Variants in SRCAP observed in about 807,000 individuals in gnomAD.
SRCAP encodes chromatin remodeling protein SRCAP.
SRCAP carries 46 observed loss-of-function variants against 263.1 expected under a neutral mutation model. The observed-to-expected ratio is 0.17, with a 90% CI of 0.14 to 0.22. The LOEUF is 0.22. SRCAP is among the 10% of genes least tolerant of loss of function. The pLI is 1.00. For missense variants in SRCAP, 3,695 were observed against 4,181.9 expected (o/e 0.88, Z 3.21); for synonymous variants, 1,813 against 1,662.1 (o/e 1.09, Z -2.21).
Position 30,734,528 on chromosome 16 carries a change from G to A in SRCAP, c.6642G>A (p.Leu2214=), listed in dbSNP as rs757930632. The A allele has an allele frequency of 1.1e-5, 18 of 1,613,812 alleles. No individual in the cohort carries two copies. The highest frequency in any genetic ancestry group is 2.2e-5 in the East Asian group (1 of 44,878). Residue 2214 remains leucine, a synonymous_variant, in exon 31 of 34, where the codon CTG becomes CTA. Transcript: ENST00000262518. ...QTIRELFDMP[L]EEPSSSSVPS... ...TCCGAGAGCTGTTTGATATGCCCCT[G>A]GAGGAACCTTCTAGCTCATCCGTGC...
At chr16:30,731,562 A>G (rs2053114980) in intron 27 of SRCAP, among the ~76,000 whole-genome samples, 1 of 152,194 alleles carries the variant, frequency 6.6e-6, no homozygotes, top group African/African-American at 2.4e-5. Context: ...ATGAACTGAA[A>G]GTCTTGGTTA....
In SRCAP at chr16:30,709,710, C is replaced by G; in HGVS notation, c.831C>G (p.Pro277=). ...CCTCAGCTGCCTCCAGTCCTCCACC[C>G]CCTGCTTCTCGCCTGGATGATGAAG... is the stretch of plus-strand genomic sequence containing the variant. ...GSSSAASSPP[P]PASRLDDEDG... Residue 277 remains proline, a synonymous_variant, in exon 7 of 34, where the codon CCC becomes CCG. Coordinates refer to ENST00000262518, the MANE Select transcript of SRCAP (RefSeq NM_006662.3). 1 of 1,614,194 alleles carries G rather than the reference C, an allele frequency of 6.2e-7. No homozygotes were observed. Among genetic ancestry groups the G allele is most frequent in the Non-Finnish European group, 8.5e-7 (1 of 1,180,038 alleles).
At position 30,724,951 on chromosome 16, in the gene SRCAP, G is replaced by C. The variant is rs970094197; in HGVS notation, c.5527G>C (p.Val1843Leu). ...TGTCACCATGGTATCCCGGCTGCCTGTTTCCAAGGATGAGCCTGACACACT... is the reference window on the plus strand; with the variant it reads ...TGTCACCATGGTATCCCGGCTGCCTCTTTCCAAGGATGAGCCTGACACACT... ...LPVTMVSRLP[V>L]SKDEPDTLTL... is the part of the protein sequence containing the mutation. The change falls in exon 25 of 34, where the codon GTT (valine) becomes CTT (leucine). Residue 1843 changes from valine (V) to leucine (L), a missense_variant. Coordinates refer to ENST00000262518, the MANE Select transcript of SRCAP (RefSeq NM_006662.3). 1 of 1,614,178 alleles carries C rather than the reference G, an allele frequency of 6.2e-7. No individual in the cohort carries two copies. Among genetic ancestry groups the C allele is most frequent in the Non-Finnish European group, 8.5e-7 (1 of 1,180,040 alleles).
At position 30,716,219 on chromosome 16, in the gene SRCAP, G is replaced by A. The variant is rs780549996; in HGVS notation, c.2630+17G>A. 4 of 1,613,810 alleles carry A rather than the reference G, an allele frequency of 2.5e-6. No individual in the cohort carries two copies. The highest frequency in any genetic ancestry group is 1.3e-5 in the African/African-American group (1 of 75,022). ...ACAGACCACGTAAGGGAGGAAGGAG[G>A]GTGGGCCCTGGGACTCGAGATTGGA... is the stretch of plus-strand genomic sequence containing the variant. On this transcript the variant is annotated intron_variant, in intron 17 of 33. Transcript: ENST00000262518.
intron 7 of SRCAP, 37 bp downstream of exon 7, chr16:30,709,772 G>C (rs1274755116): frequency 1.9e-6 from 3 of 1,613,906 alleles, no homozygotes; most frequent in Non-Finnish European, 2.5e-6. Flanking sequence ...TCTTCCTCAT[G>C]TACCCTTTCC....
chr16:30,715,480 GCA>G (rs2052938630), intron 16 of SRCAP, among the ~76,000 whole-genome samples: 1 of 151,876 alleles, frequency 6.6e-6, no homozygotes. Context: ...CAGGAGAATG[GCA>G]TGAACCCGGG....
At chr16:30,700,422 AAGGT>A (rs747993980) in intron 2 of SRCAP, among the ~76,000 whole-genome samples, 190 bp from the exon 3 acceptor site, 1 of 152,340 alleles carries the variant, frequency 6.6e-6, no homozygotes, top group Non-Finnish European at 1.5e-5. Context: ...CTTGGTTTTT[AAGGT>A]AGGTGTGAGG....
chr16:30,734,284 A>C (rs536665925), intron 30 of SRCAP: 74 of 677,434 alleles, frequency 1.1e-4, no homozygotes, highest in Non-Finnish European at 1.4e-5. Flanking sequence ...CGGAGGTTGC[A>C]GTGAGTTGAG....
chr16:30,721,175 C>G lies in SRCAP; in HGVS notation c.3254-14C>G. On this transcript the variant is annotated splice_polypyrimidine_tract_variant and intron_variant, in intron 20 of 33. Coordinates refer to ENST00000262518, the MANE Select transcript of SRCAP (RefSeq NM_006662.3). The stretch of plus-strand genomic sequence containing the variant: ...TCAGGGTATATCTGACAGGTGTTTG[C>G]TTTGTGTCTGCAGTGTTGCCATCCC... The G allele has an allele frequency of 6.3e-7, 1 of 1,588,940 alleles. No homozygotes were observed. Among genetic ancestry groups the G allele is most frequent in the Admixed American group, 1.7e-5 (1 of 58,242 alleles).
chr16:30,721,288 C>T lies in SRCAP; in HGVS notation c.3353C>T (p.Pro1118Leu). 6.2e-7 allele frequency: 1 copy of T among 1,614,204 alleles called. No individual in the cohort carries two copies. The highest frequency in any genetic ancestry group is 1.1e-5 in the South Asian group (1 of 91,086). ...PTPPAPVRLSPAPPPGSSSLL... is the reference protein window; with the variant it reads ...PTPPAPVRLSLAPPPGSSSLL... ...CCACCTGCCCCAGTTCGCCTGAGCC[C>T]AGCCCCACCTCCAGGCTCCTCTAGC... Residue 1118 changes from proline (P) to leucine (L), a missense_variant, in exon 21 of 34, where the codon CCA becomes CTA. Around this residue, in one of 12 missense-constraint regions of SRCAP, gnomAD observed 1,347 missense variants for 1,304.4 expected, o/e 1.03. Transcript: ENST00000262518.
rs769111472 is a variant in SRCAP at position 30,738,719 on chromosome 16, C to T, written c.8679C>T (p.Asp2893=). 52 of 1,613,988 alleles carry T rather than the reference C, an allele frequency of 3.2e-5. 2 individuals carry two copies. The South Asian group carries it at 5.6e-4, about 17-fold the overall frequency. ...STLKGKTNGA[D]PVPGPETLIV... ...TGAAGGGAAAAACCAATGGGGCTGA[C>T]CCAGTCCCTGGGCCTGAGACCCTAA... Residue 2893 remains aspartate, a synonymous_variant, in exon 34 of 34, where the codon GAC becomes GAT. Transcript: ENST00000262518.
rs1245556035 is a variant in SRCAP at position 30,739,225 on chromosome 16, C to A, written c.9185C>A (p.Pro3062His). The change falls in exon 34 of 34, where the codon CCC becomes CAC. Residue 3062 changes from proline (P) to histidine (H), a missense_variant. Pro to His is a moderately conservative substitution (Grantham distance 77, BLOSUM62 -2). Around this residue, in one of 12 missense-constraint regions of SRCAP, gnomAD observed 1,207 missense variants for 1,142.9 expected, o/e 1.06. Coordinates refer to ENST00000262518, the MANE Select transcript of SRCAP (RefSeq NM_006662.3). ...GSSSDEDGSR[P>H]LTRLARLRLE... Reference sequence around the variant, plus strand: ...TCCTCTGATGAGGATGGAAGCCGCCCCCTCACCCGCCTGGCCCGCCTTCGG... The same window carrying A: ...TCCTCTGATGAGGATGGAAGCCGCCACCTCACCCGCCTGGCCCGCCTTCGG... 1 of 1,613,558 alleles carries A rather than the reference C, an allele frequency of 6.2e-7. No homozygotes were observed. Among genetic ancestry groups the A allele is most frequent in the South Asian group, 1.1e-5 (1 of 91,086 alleles).
rs751504030 is a variant in SRCAP at position 30,733,805 on chromosome 16, C to T, written c.6494+7C>T. ...GGGATGTCCACATATATAGGTATTG[C>T]CTAGTCTTCCCTCACCTTACTTTCC... is the stretch of plus-strand genomic sequence containing the variant. On this transcript the variant is annotated splice_region_variant and intron_variant, in intron 29 of 33. Coordinates refer to ENST00000262518, the MANE Select transcript of SRCAP (RefSeq NM_006662.3). This position sits in a 1 kb window ranked among gnomAD's most constrained non-coding sequence, Gnocchi z 5.3. 5.0e-6 allele frequency: 8 copies of T among 1,611,864 alleles called. No individual in the cohort carries two copies. Among genetic ancestry groups the T allele is most frequent in the South Asian group, 2.2e-5 (2 of 90,908 alleles).
rs1351240324 is a variant in SRCAP at position 30,721,487 on chromosome 16, A to G, written c.3541+11A>G. The G allele has an allele frequency of 6.2e-7, 1 of 1,606,030 alleles. No homozygotes were observed. Among genetic ancestry groups the G allele is most frequent in the Admixed American group, 1.7e-5 (1 of 60,018 alleles). On this transcript the variant is annotated intron_variant, in intron 21 of 33. Transcript: ENST00000262518. The stretch of plus-strand genomic sequence containing the variant: ...AGGCTCGCCTGCCCTGTAAGTTCCC[A>G]GGGCTCTGTGGTGAGGGACTTGAGA...
rs1007602867 is a variant in SRCAP at position 30,736,731 on chromosome 16, G to T, written c.7008+107G>T. ...TCTGTCGCCCAGGCTGGAGTGCAGT[G>T]GCACAATCTCGGGTCACTGCAGTCT... On this transcript the variant is annotated intron_variant, in intron 33 of 33. Transcript: ENST00000262518. 4.1e-6 allele frequency: 5 copies of T among 1,233,290 alleles called. No individual in the cohort carries two copies. The African/African-American group carries it at 7.5e-5, about 18-fold the overall frequency. 76.4% of individuals were successfully genotyped at this position (1,233,290 alleles called of 1,614,324 possible). A position where few individuals can be genotyped will look rare whatever the true frequency, so the allele number is the denominator to read the frequency against.
chr16:30,735,071 C>T (rs1370621985), intron 31 of SRCAP, among the ~76,000 whole-genome samples: 1 of 151,714 alleles, frequency 6.6e-6, no homozygotes, highest in Non-Finnish European at 1.5e-5. Flanking sequence ...CTTTTAAGAA[C>T]CTTTCCAAAT....
Position 30,725,046 on chromosome 16 carries a change from C to T in SRCAP, c.5622C>T (p.Arg1874=), listed in dbSNP as rs1203667338. 1.2e-6 allele frequency: 2 copies of T among 1,613,212 alleles called. No homozygotes were observed. Among genetic ancestry groups the T allele is most frequent in the Non-Finnish European group, 1.7e-6 (2 of 1,179,316 alleles). Residue 1874 remains arginine (R), a synonymous_variant, in exon 25 of 34, where the codon CGC becomes CGT. Coordinates refer to ENST00000262518, the MANE Select transcript of SRCAP (RefSeq NM_006662.3). ...CGTTTGGTGGCCCCCGGCCTCGACG[C>T]CAGCCCCCCCCACCACCTCGTTCCC... The part of the protein sequence containing the change: ...ATSFGGPRPR[R]QPPPPPRSPF...
chr16:30,706,314 T>G (rs1567240447), intron 4 of SRCAP, among the ~76,000 whole-genome samples: 1 of 152,060 alleles, frequency 6.6e-6, no homozygotes, highest in Non-Finnish European at 1.5e-5. Flanking sequence ...AAAAATTAGC[T>G]GGGCATGGTT....
At chr16:30,728,701 C>A (rs2053085288) in intron 25 of SRCAP, among the ~76,000 whole-genome samples, 1 of 152,102 alleles carries the variant, frequency 6.6e-6, no homozygotes, top group Non-Finnish European at 1.5e-5. Context: ...TGGTAGCATA[C>A]AAGGAAAGAT....
Sources: allele counts gnomAD v4.1 joint callset (sites outside exome capture counted in the v4.1 genomes callset), GRCh38; gene constraint gnomAD v4.1.1; regional missense constraint gnomAD v4.1.1; non-coding constraint Gnocchi (gnomAD v3.1); transcripts MANE v1.5; gene names NCBI Gene and HGNC (gene_info 2026-07-23, HGNC 2026-07-21).